The following LGMN variants were observed in gnomAD, a reference collection of about 807,000 sequenced individuals.
The protein encoded by LGMN is asparaginyl endopeptidase.
LGMN carries 36 observed loss-of-function variants against 56.8 expected under a neutral mutation model. That is an observed-to-expected ratio of 0.63 (90% CI 0.49 to 0.84). The LOEUF is 0.84. LGMN is among the 40% of genes least tolerant of loss of function. The probability of loss-of-function intolerance (pLI) is 0.00; values close to 1 mark genes in which losing one functional copy is unlikely to be tolerated. For missense variants in LGMN, 446 were observed against 556.1 expected, an observed-to-expected ratio of 0.80 and a Z score of 1.99; for synonymous variants, 199 against 210.1, an observed-to-expected ratio of 0.95 and a Z score of 0.46.
intron 3 of LGMN, among the ~76,000 whole-genome samples, chr14:92,717,889 C>A (rs1339940114): frequency 1.3e-5 from 2 of 152,108 alleles, no homozygotes; most frequent in Non-Finnish European, 2.9e-5. Flanking sequence ...GAGAATGTGA[C>A]CACAGTAAGG....
chr14:92,708,911 A>G (rs930651963), intron 11 of LGMN, among the ~76,000 whole-genome samples: 4 of 149,520 alleles, frequency 2.7e-5, no homozygotes, highest in African/African-American at 7.4e-5. Flanking sequence ...GCCATATTTC[A>G]GCACATCCAT....
chr14:92,735,975 G>C (rs1235105611), intron 1 of LGMN, among the ~76,000 whole-genome samples: 6 of 152,232 alleles, frequency 3.9e-5, no homozygotes, highest in Non-Finnish European at 7.4e-5. Flanking sequence ...TTCCAGAAAG[G>C]GGTCCTGATC....
intron 10 of LGMN, among the ~76,000 whole-genome samples, chr14:92,711,203 G>A (rs1210440939): frequency 6.6e-6 from 1 of 152,200 alleles, no homozygotes; most frequent in Non-Finnish European, 1.5e-5. Context: ...TATAGCCAAA[G>A]GGTAAAGGTA....
At chr14:92,725,155 C>A (rs1469833801) in intron 2 of LGMN, among the ~76,000 whole-genome samples, 1 of 152,252 alleles carries the variant, frequency 6.6e-6, no homozygotes, top group Non-Finnish European at 1.5e-5. Context: ...ACAAGGACGG[C>A]CCTGCTGCAA....
intron 1 of LGMN, among the ~76,000 whole-genome samples, chr14:92,737,028 C>T (rs1449143452): frequency 6.6e-6 from 1 of 152,144 alleles, no homozygotes; most frequent in African/African-American, 2.4e-5. Flanking sequence ...TCGGAGCTCA[C>T]CCAGCAGCCT....
At chr14:92,732,369 C>A in intron 2 of LGMN, 2 of 354,966 alleles carry the variant, frequency 5.6e-6, no homozygotes, top group Non-Finnish European at 5.2e-6. Context: ...ATCAACAGTG[C>A]CAAGGTTCAG....
chr14:92,712,264 C>A (rs1889821301), intron 8 of LGMN, among the ~76,000 whole-genome samples: 1 of 152,194 alleles, frequency 6.6e-6, no homozygotes, highest in Admixed American at 6.5e-5. Flanking sequence ...GAAACTTGAA[C>A]AATATGGGCT....
At chr14:92,729,127 C>CTTTTTTTT (rs55843490) in intron 2 of LGMN, among the ~76,000 whole-genome samples, 60 of 110,106 alleles carry the variant, frequency 5.4e-4, no homozygotes, top group Non-Finnish European at 6.3e-4. Context: ...CTCAGCTTTT[C>CTTTTTTTT]TTTTTTTTTT....
At chr14:92,709,943 G>GGA in intron 10 of LGMN, 71 bp from the exon 11 acceptor site, 3 of 1,288,424 alleles carry the variant, frequency 2.3e-6, no homozygotes, top group Middle Eastern at 2.4e-4. Flanking sequence ...AGAGAGAGAG[G>GGA]GAGAGAGAGA....
chr14:92,743,958 A>G (rs1365554537), intron 1 of LGMN, among the ~76,000 whole-genome samples: 5 of 151,838 alleles, frequency 3.3e-5, no homozygotes, highest in Non-Finnish European at 7.4e-5. Context: ...GATCAATACC[A>G]TCCTGGCGAA....
At position 92,714,292 on chromosome 14, in the gene LGMN, A is replaced by C; in HGVS notation, c.480+84T>G. The C allele has an allele frequency of 1.0e-6, 1 of 968,080 alleles. No individual in the cohort carries two copies. Among genetic ancestry groups the C allele is most frequent in the East Asian group, 2.4e-5 (1 of 41,436 alleles). The allele number at this position is 968,080 out of a possible 1,614,324, so 60.0% of individuals were successfully genotyped here. The stretch of plus-strand genomic sequence containing the variant: ...AACCAACCCTGGCAGGACACTAGAA[A>C]ATACACGCTATGGGTTTAATCTCGA... On this transcript the variant is annotated intron_variant, in intron 6 of 13. Transcript: ENST00000334869. This position sits in a 1 kb window ranked among gnomAD's most constrained non-coding sequence, Gnocchi z 5.1.
chr14:92,747,869 G>A (rs1361175546), intron 1 of LGMN, among the ~76,000 whole-genome samples: 1 of 152,134 alleles, frequency 6.6e-6, no homozygotes, highest in African/African-American at 2.4e-5. Flanking sequence ...GCTTGGCATA[G>A]AACACTCCAC....
At chr14:92,724,467 T>C (rs1480683377) in intron 2 of LGMN, among the ~76,000 whole-genome samples, 1 of 152,246 alleles carries the variant, frequency 6.6e-6, no homozygotes, top group Non-Finnish European at 1.5e-5. Context: ...AAATATTTAC[T>C]AGCACTCAAA....
chr14:92,724,792 G>A (rs1359295904), intron 2 of LGMN, among the ~76,000 whole-genome samples: 1 of 152,170 alleles, frequency 6.6e-6, no homozygotes, highest in African/African-American at 2.4e-5. Flanking sequence ...ACTGCCTCCA[G>A]CTTGGCCAGC....
intron 2 of LGMN, among the ~76,000 whole-genome samples, chr14:92,722,108 C>T (rs1437278915): frequency 6.6e-6 from 1 of 151,572 alleles, no homozygotes. Flanking sequence ...ACAAAAAATT[C>T]AGGAGCTTGG....
chr14:92,703,899 A>C lies in LGMN; in HGVS notation c.*420T>G, dbSNP rs1459813592. The stretch of plus-strand genomic sequence containing the variant: ...AATCAAAAATCATCATATTTTCTAA[A>C]AACAGTTTTCCATTTGGGGCTTGCG... On this transcript the variant is annotated 3_prime_UTR_variant, in exon 14 of 14. Transcript: ENST00000334869. 4.2e-6 allele frequency: 2 copies of C among 471,146 alleles called. No homozygotes were observed. Among genetic ancestry groups the C allele is most frequent in the Non-Finnish European group, 7.6e-6 (2 of 263,750 alleles). 29.2% of individuals were successfully genotyped at this position (471,146 alleles called of 1,614,324 possible). A position where few individuals can be genotyped will look rare whatever the true frequency, so the allele number is the denominator to read the frequency against.
chr14:92,704,393 C>A, intron 13 of LGMN, 32 bp from the exon 14 acceptor site: 1 of 1,554,876 alleles, frequency 6.4e-7, no homozygotes, highest in Non-Finnish European at 8.8e-7. Context: ...ACTTGGTGAA[C>A]CGTGTCAACT....
chr14:92,704,990 T>C (rs1595521900), intron 12 of LGMN: 1 of 356,874 alleles, frequency 2.8e-6, no homozygotes. Context: ...ATGGCTCTGC[T>C]CCCCGCCATG....
intron 2 of LGMN, among the ~76,000 whole-genome samples, chr14:92,723,789 C>T (rs948546909): frequency 1.3e-5 from 2 of 151,954 alleles, no homozygotes; most frequent in Non-Finnish European, 2.9e-5. Context: ...TGGAGTGCAG[C>T]AGTGTGATCA....
Sources: gnomAD v4.1 joint callset for allele counts (sites outside exome capture counted in the v4.1 genomes callset) on GRCh38, gnomAD v4.1.1 for gene constraint, Gnocchi (gnomAD v3.1) non-coding constraint, MANE v1.5 for transcripts, NCBI Gene and HGNC (gene_info 2026-07-23, HGNC 2026-07-21) for gene names.